The following ALDH5A1 variants were observed in gnomAD, a reference collection of about 807,000 sequenced individuals.
ALDH5A1 encodes succinate-semialdehyde dehydrogenase, mitochondrial.
ALDH5A1 carries 33 observed loss-of-function variants against 54.7 expected under a neutral mutation model. The observed-to-expected ratio is 0.60, with a 90% CI of 0.46 to 0.81. The LOEUF is 0.81. Among genes scored for constraint, ALDH5A1 ranks in the 30% least tolerant of loss-of-function variants. The pLI is 0.00. For synonymous variants in ALDH5A1, 294 were observed against 292.7 expected (o/e 1.00, Z -0.05); for missense variants, 657 against 711.0 (o/e 0.92, Z 0.86).
At chr6:24,526,901 C>A (rs374587337) in intron 7 of ALDH5A1, among the ~76,000 whole-genome samples, 1,114 of 53,688 alleles carry the variant, frequency 0.021, 21 homozygotes, top group African/African-American at 0.047. Context: ...ATATATATAT[C>A]TACTATATAT....
intron 1 of ALDH5A1, among the ~76,000 whole-genome samples, chr6:24,499,976 C>CTGTGTG (rs111245798): frequency 0.3 from 45,585 of 151,102 alleles, 7,056 homozygotes; most frequent in African/African-American, 0.35. Context: ...CAGATAATTT[C>CTGTGTG]TGTGTGTGTG....
In ALDH5A1 at chr6:24,499,101, C is replaced by CAA. The variant is rs35062384; in HGVS notation, c.355-3405_355-3404dup. On this transcript the variant is annotated intron_variant, in intron 1 of 9. Transcript: ENST00000357578. ...TGGTGGACAGAGCAAGACTCTGTCT[C>CAA]AAAAAAAAAAAAAAAAAAGAAAAAA... Among the ~76,000 whole-genome samples, 29 of 91,216 alleles carry CAA rather than the reference C, an allele frequency of 3.2e-4. 1 individual carries two copies. Among genetic ancestry groups the CAA allele is most frequent in the African/African-American group, 2.8e-4 (7 of 25,268 alleles). 59.8% of individuals were successfully genotyped at this position (91,216 alleles called of 152,430 possible).
intron 7 of ALDH5A1, among the ~76,000 whole-genome samples, chr6:24,524,344 G>A (rs1360614693): frequency 5.3e-5 from 8 of 152,182 alleles, no homozygotes; most frequent in Admixed American, 5.2e-4. Context: ...AAGATTGTGT[G>A]TGGGAAAGAA....
In ALDH5A1 at chr6:24,509,115, GTTTA is replaced by G. The variant is rs1350450680; in HGVS notation, c.726+4135_726+4138del. On this transcript the variant is annotated intron_variant, in intron 4 of 9. Transcript: ENST00000357578. This position sits in a 1 kb window ranked among gnomAD's most constrained non-coding sequence, Gnocchi z 4.7. The stretch of plus-strand genomic sequence containing the variant: ...CCTTTTGCCATGCAAAAGCTCTTTA[GTTTA>G]TTTAAGTCCCAGCTATTTATCTTTG... 1.6e-4 allele frequency among the ~76,000 whole-genome samples: 7 copies of G among 44,116 alleles called. No individual in the cohort carries two copies. The highest frequency in any genetic ancestry group is 5.8e-4 in the Non-Finnish European group (7 of 12,088). The allele number at this position is 44,116 out of a possible 152,430, so 28.9% of individuals were successfully genotyped here.
chr6:24,533,622 A>T lies in ALDH5A1; in HGVS notation c.1518A>T (p.Gly506=). Residue 506 remains glycine, a synonymous_variant, in exon 10 of 10, where the codon GGA becomes GGT. Coordinates refer to ENST00000357578, the MANE Select transcript of ALDH5A1 (RefSeq NM_001080.3). ...CCTCTGTGGAGTGCCCTTTTGGTGG[A>T]GTGAAGCAGTCCGGCCTTGGGCGAG... The part of the protein sequence containing the change: ...LISSVECPFG[G]VKQSGLGREG... The T allele has an allele frequency of 6.2e-7, 1 of 1,614,096 alleles. No homozygotes were observed. Among genetic ancestry groups the T allele is most frequent in the South Asian group, 1.1e-5 (1 of 91,072 alleles).
In ALDH5A1 at chr6:24,518,575, A is replaced by G. The variant is rs886961837; in HGVS notation, c.871-1826A>G. 4.6e-5 allele frequency among the ~76,000 whole-genome samples: 7 copies of G among 152,254 alleles called. No individual in the cohort carries two copies. Among genetic ancestry groups the G allele is most frequent in the African/African-American group, 9.6e-5 (4 of 41,464 alleles). On this transcript the variant is annotated intron_variant, in intron 5 of 9. Coordinates refer to ENST00000357578, the MANE Select transcript of ALDH5A1 (RefSeq NM_001080.3). This position sits in a 1 kb window ranked among gnomAD's most constrained non-coding sequence, Gnocchi z 4.2. ...GTTTCTTAAAAATTTTTAAATAAAA[A>G]CATAAAAAAAGTTTAAATAGTTATG...
intron 1 of ALDH5A1, among the ~76,000 whole-genome samples, chr6:24,499,664 TTTTC>T (rs1263772049): frequency 9.5e-5 from 12 of 126,786 alleles, no homozygotes; most frequent in African/African-American, 2.2e-4. Context: ...AGATAATTTC[TTTTC>T]TTTTTTTTTT....
chr6:24,523,024 A>C, intron 7 of ALDH5A1, 99 bp downstream of exon 7: 1 of 374,028 alleles, frequency 2.7e-6, no homozygotes, highest in Non-Finnish European at 5.2e-6. Flanking sequence ...GGGGATAGAG[A>C]GGGGTGGGTT....
At chr6:24,527,885 C>T (rs1319491231) in intron 7 of ALDH5A1, 112 bp from the exon 8 acceptor site, 1 of 1,232,038 alleles carries the variant, frequency 8.1e-7, no homozygotes, top group South Asian at 1.3e-5. Flanking sequence ...TTATTGTTAA[C>T]CTACTTTTTT....
At position 24,496,116 on chromosome 6, in the gene ALDH5A1, T is replaced by C. The variant is rs150534312; in HGVS notation, c.354+766T>C. Among the ~76,000 whole-genome samples, 3 of 152,234 alleles carry C rather than the reference T, an allele frequency of 2.0e-5. No homozygotes were observed. The East Asian group carries it at 5.8e-4, about 29-fold the overall frequency. ...CTTCAAAGCTCTCCCTCTGAAGGAATGCATCCAGCGATCCCTACGAGTACA... is the reference window on the plus strand; with the variant it reads ...CTTCAAAGCTCTCCCTCTGAAGGAACGCATCCAGCGATCCCTACGAGTACA... On this transcript the variant is annotated intron_variant, in intron 1 of 9. Coordinates refer to ENST00000357578, the MANE Select transcript of ALDH5A1 (RefSeq NM_001080.3).
rs555046408 is a variant in ALDH5A1 at position 24,508,871 on chromosome 6, T to C, written c.726+3886T>C. On this transcript the variant is annotated intron_variant, in intron 4 of 9. Coordinates refer to ENST00000357578, the MANE Select transcript of ALDH5A1 (RefSeq NM_001080.3). ...TGATTTGCATTTCCTTGATCATTAG[T>C]GATGTTGAGCATTTTTTCATATGTT... 2.0e-5 allele frequency among the ~76,000 whole-genome samples: 3 copies of C among 152,356 alleles called. No homozygotes were observed. In the South Asian group the frequency reaches 6.2e-4, roughly 32 times the overall value.
Position 24,533,719 on chromosome 6 carries a change from T to C in ALDH5A1, c.*7T>C, listed in dbSNP as rs199767765. The C allele has an allele frequency of 3.3e-4, 529 of 1,613,586 alleles. No individual in the cohort carries two copies. The highest frequency in any genetic ancestry group is 4.2e-4 in the Non-Finnish European group (498 of 1,179,824). On this transcript the variant is annotated 3_prime_UTR_variant, in exon 10 of 10. Coordinates refer to ENST00000357578, the MANE Select transcript of ALDH5A1 (RefSeq NM_001080.3). ...GTGTTACGGGGGCTTGTAGGATTCT[T>C]TGGTTCTTTAAAAAAATTTAAAAGG...
At chr6:24,515,393 A>G in intron 5 of ALDH5A1, 83 bp downstream of exon 5, 2 of 1,509,332 alleles carry the variant, frequency 1.3e-6, no homozygotes, top group Non-Finnish European at 1.8e-6. Context: ...TTTCATCCTG[A>G]TCACCAATTT....
chr6:24,514,177 T>C (rs749180978), intron 4 of ALDH5A1, among the ~76,000 whole-genome samples: 6 of 152,254 alleles, frequency 3.9e-5, no homozygotes, highest in Non-Finnish European at 7.3e-5. Flanking sequence ...ATGCGGGTTC[T>C]GTTACTAGCT....
intron 7 of ALDH5A1, among the ~76,000 whole-genome samples, chr6:24,523,588 A>G (rs1346969901): frequency 3.3e-5 from 5 of 152,188 alleles, no homozygotes; most frequent in Admixed American, 1.3e-4. Context: ...TGATAATTCT[A>G]TCCCTCACTG....
intron 4 of ALDH5A1, among the ~76,000 whole-genome samples, chr6:24,508,274 A>G (rs1371019701): frequency 1.3e-5 from 2 of 149,798 alleles, no homozygotes; most frequent in Admixed American, 1.3e-4. Context: ...GAGGCAGGAG[A>G]ATCACTTGGA....
rs149793005 is a variant in ALDH5A1 at position 24,528,103 on chromosome 6, A to G, written c.1280A>G (p.Asn427Ser). The G allele has an allele frequency of 1.4e-4, 232 of 1,614,128 alleles. No homozygotes were observed. Among genetic ancestry groups the G allele is most frequent in the African/African-American group, 2.1e-4 (16 of 75,052 alleles). The part of the protein sequence containing the change: ...KNFFEPTLLC[N>S]VTQDMLCTHE... ...TTCTTTGAGCCTACCCTGCTGTGCA[A>G]TGTCACCCAGGACATGCTGTGCACT... Residue 427 changes from asparagine to serine, a missense_variant, in exon 8 of 10, where the codon AAT (asparagine) becomes AGT (serine). By Grantham distance (46) the Asn-to-Ser change is conservative. This residue lies in a region of ALDH5A1 where 425 missense variants were observed against 516.4 expected (regional missense o/e 0.82). Transcript: ENST00000357578.
In ALDH5A1 at chr6:24,533,748, C is replaced by A. The variant is rs537117679; in HGVS notation, c.*36C>A. The A allele has an allele frequency of 1.3e-6, 2 of 1,571,486 alleles. No homozygotes were observed. The highest frequency in any genetic ancestry group is 2.2e-5 in the East Asian group (1 of 44,648). On this transcript the variant is annotated 3_prime_UTR_variant, in exon 10 of 10. Coordinates refer to ENST00000357578, the MANE Select transcript of ALDH5A1 (RefSeq NM_001080.3). ...TTCTTTAAAAAAATTTAAAAGGAGA[C>A]TTATCTACATATATAGGTACATGCC... is the stretch of plus-strand genomic sequence containing the variant.
intron 7 of ALDH5A1, among the ~76,000 whole-genome samples, chr6:24,524,213 G>C (rs926940689): frequency 2.0e-5 from 3 of 152,110 alleles, no homozygotes; most frequent in Non-Finnish European, 4.4e-5. Context: ...TCGAACTCCT[G>C]ACCTCAGGTG....
Sources: gnomAD v4.1 joint callset for allele counts (sites outside exome capture counted in the v4.1 genomes callset) on GRCh38, gnomAD v4.1.1 for gene constraint, gnomAD v4.1.1 regional missense constraint, Gnocchi (gnomAD v3.1) non-coding constraint, MANE v1.5 for transcripts, NCBI Gene and HGNC (gene_info 2026-07-23, HGNC 2026-07-21) for gene names.